Variants in DCAF8L2 observed in about 807,000 individuals in gnomAD.
DCAF8L2 encodes DDB1 and CUL4 associated factor 8 like 2.
For synonymous variants in DCAF8L2, 200 were observed against 190.9 expected, an observed-to-expected ratio of 1.05 and a Z score of -0.39; for missense variants, 430 against 490.7, an observed-to-expected ratio of 0.88 and a Z score of 1.17.
At chrX:27,556,505 A>G in the DCAF8L2 span, among the ~76,000 whole-genome samples, 3 of 112,125 alleles carry the variant, frequency 2.7e-5, no homozygotes, top group Non-Finnish European at 5.6e-5. Context: ...TGATGCTGAA[A>G]AATGGTCTAG....
At position 27,621,107 on chromosome X, in the gene DCAF8L2, T is replaced by C. The variant is rs191934081; in HGVS notation, c.-341-10772T>C. Reference sequence around the variant, plus strand: ...TACCATTCTACTTATATGAGATATTTAAAGTAATCACAGTCATAGAGACAA... The same window carrying C: ...TACCATTCTACTTATATGAGATATTCAAAGTAATCACAGTCATAGAGACAA... On this transcript the variant is annotated intron_variant, in intron 1 of 4. Transcript: ENST00000451261. Among the ~76,000 whole-genome samples the C allele has an allele frequency of 3.1e-4, 35 of 112,050 alleles. No homozygotes were observed. In the East Asian group the frequency reaches 9.8e-3, roughly 31 times the overall value.
Position 27,712,469 on chromosome X carries a change from A to C in DCAF8L2, c.-142-3619A>C, listed in dbSNP as rs767850995. 11 of 112,086 alleles carry C rather than the reference A, an allele frequency of 9.8e-5. No homozygotes were observed. In the East Asian group the frequency reaches 3.1e-3, roughly 32 times the overall value. 9.2% of individuals were successfully genotyped at this position (112,086 alleles called of 1,213,427 possible). The stretch of plus-strand genomic sequence containing the variant: ...ATTTCAGTTGTTGAAAGCTGTTTCC[A>C]GTTTTCCCTACATATGCATGTTTCA... On this transcript the variant is annotated intron_variant, in intron 3 of 4. Transcript: ENST00000451261.
intron 2 of DCAF8L2, among the ~76,000 whole-genome samples, chrX:27,673,013 A>G (rs1372443060): frequency 9.0e-6 from 1 of 111,257 alleles, no homozygotes; most frequent in Non-Finnish European, 1.9e-5. Flanking sequence ...CAAGCCCTGA[A>G]GAAGTTTTGG....
intron 1 of DCAF8L2, among the ~76,000 whole-genome samples, chrX:27,598,965 A>T (rs1387288731): frequency 1.6e-5 from 1 of 63,977 alleles, no homozygotes; most frequent in African/African-American, 6.2e-5. Context: ...TTTCTCAAAA[A>T]AAAAAAAAAA....
the DCAF8L2 span, among the ~76,000 whole-genome samples, chrX:27,480,953 G>C: frequency 8.9e-6 from 1 of 112,027 alleles, no homozygotes; most frequent in Admixed American, 9.5e-5. Flanking sequence ...AACATTTCAG[G>C]AAGAATGTGT....
At chrX:27,543,163 T>A in the DCAF8L2 span, among the ~76,000 whole-genome samples, 1 of 112,366 alleles carries the variant, frequency 8.9e-6, no homozygotes, top group African/African-American at 3.2e-5. Flanking sequence ...GATTTTTGTA[T>A]ATGGTGAAAG....
upstream of DCAF8L2, among the ~76,000 whole-genome samples, chrX:27,587,985 A>AAATATATATATATAT: frequency 6.3e-4 from 14 of 22,356 alleles, no homozygotes; most frequent in African/African-American, 1.3e-3. Context: ...TAAAAAAAAA[A>AAATATATATATATAT]ATATATATAT....
the DCAF8L2 span, among the ~76,000 whole-genome samples, chrX:27,581,578 G>T: frequency 1.1e-5 from 1 of 93,266 alleles, no homozygotes; most frequent in African/African-American, 4.0e-5. Context: ...TAGCAGCTTG[G>T]ATTTAATACA....
the DCAF8L2 span, chrX:27,517,642 A>G: frequency 1.8e-6 from 1 of 564,946 alleles, no homozygotes; most frequent in Non-Finnish European, 3.1e-6. Flanking sequence ...TCTTTTAGCT[A>G]GCACAGTCAA....
At chrX:27,477,253 T>C in the DCAF8L2 span, among the ~76,000 whole-genome samples, 2 of 112,259 alleles carry the variant, frequency 1.8e-5, no homozygotes, top group African/African-American at 6.5e-5. Context: ...AAATGGATAA[T>C]AGGCTTATTT....
At chrX:27,668,583 A>G in intron 2 of DCAF8L2, among the ~76,000 whole-genome samples, 1 of 111,760 alleles carries the variant, frequency 8.9e-6, no homozygotes, top group Non-Finnish European at 1.9e-5. Flanking sequence ...CAAACAGCTG[A>G]CCAGCTGTCA....
At chrX:27,620,172 G>A (rs1184247041) in intron 1 of DCAF8L2, among the ~76,000 whole-genome samples, 1 of 111,756 alleles carries the variant, frequency 8.9e-6, no homozygotes, top group African/African-American at 3.2e-5. Context: ...TGGCAAGACT[G>A]TAGAGAACAG....
intron 4 of DCAF8L2, among the ~76,000 whole-genome samples, chrX:27,718,377 A>C (rs1931773248): frequency 1.8e-5 from 2 of 111,945 alleles, no homozygotes; most frequent in African/African-American, 3.2e-5. Context: ...CCATAGTATA[A>C]ATATAGCACA....
the DCAF8L2 span, among the ~76,000 whole-genome samples, chrX:27,511,716 T>A: frequency 8.9e-6 from 1 of 111,922 alleles, no homozygotes; most frequent in Non-Finnish European, 1.9e-5. Flanking sequence ...TTATCCAAAA[T>A]GTAAAAGTGG....
intron 3 of DCAF8L2, among the ~76,000 whole-genome samples, chrX:27,692,167 T>C (rs188730621): frequency 5.4e-4 from 61 of 112,217 alleles, no homozygotes; most frequent in African/African-American, 1.6e-3. Context: ...TTTCACTTTA[T>C]GTGTATGAAC....
At chrX:27,590,957 A>G (rs1926042526) in intron 1 of DCAF8L2, among the ~76,000 whole-genome samples, 1 of 93,169 alleles carries the variant, frequency 1.1e-5, no homozygotes, top group East Asian at 3.4e-4. Flanking sequence ...ACCATAACAC[A>G]TTTATGTTAA....
At chrX:27,530,812 A>G in the DCAF8L2 span, among the ~76,000 whole-genome samples, 5 of 111,815 alleles carry the variant, frequency 4.5e-5, no homozygotes, top group Non-Finnish European at 9.4e-5. Flanking sequence ...TGAAAGTGAT[A>G]TATGCTACCC....
chrX:27,642,605 C>G (rs1049172593), intron 2 of DCAF8L2, among the ~76,000 whole-genome samples: 1 of 111,372 alleles, frequency 9.0e-6, no homozygotes, highest in African/African-American at 3.3e-5. Context: ...CATCAAAACG[C>G]CAGATACCTT....
the DCAF8L2 span, among the ~76,000 whole-genome samples, chrX:27,579,615 T>TACACACACACACACACACAC: frequency 6.8e-5 from 6 of 87,928 alleles, no homozygotes; most frequent in African/African-American, 2.2e-4. Context: ...TTCAGAGAAA[T>TACACACACACACACACACAC]ACACACACAC....
Sources: gnomAD v4.1 joint callset for allele counts (sites outside exome capture counted in the v4.1 genomes callset) on GRCh38, gnomAD v4.1.1 for gene constraint, MANE v1.5 for transcripts, NCBI Gene and HGNC (gene_info 2026-07-23, HGNC 2026-07-21) for gene names.